The following GPC3 variants were observed in gnomAD, a reference collection of about 807,000 sequenced individuals.
The protein encoded by GPC3 is glypican-3.
Under a neutral mutation model 34.4 loss-of-function variants are expected in GPC3, and 3 were observed. The ratio of observed to expected loss-of-function variants is 0.09; its 90% confidence interval spans 0.04 to 0.23. GPC3 has a LOEUF of 0.23. GPC3 is among the 10% of genes least tolerant of loss of function. The probability of loss-of-function intolerance (pLI) is 1.00; values close to 1 mark genes in which losing one functional copy is unlikely to be tolerated. For synonymous variants in GPC3, 177 were observed against 174.0 expected (o/e 1.02, Z -0.13); for missense variants, 351 against 445.6 (o/e 0.79, Z 1.91).
At position 133,863,648 on chromosome X, in the gene GPC3, C is replaced by CTTTTTTTTTTTTTTTT. The variant is rs1165193952; in HGVS notation, c.337+89386_337+89401dup. 1.7e-3 allele frequency among the ~76,000 whole-genome samples: 126 copies of CTTTTTTTTTTTTTTTT among 72,843 alleles called. 14 individuals carry two copies. The highest frequency in any genetic ancestry group is 3.4e-3 in the African/African-American group (41 of 11,963). 63.3% of individuals were successfully genotyped at this position (72,843 alleles called of 115,157 possible). A position where few individuals can be genotyped will look rare whatever the true frequency, so the allele number is the denominator to read the frequency against. On this transcript the variant is annotated intron_variant, in intron 2 of 7. Coordinates refer to ENST00000370818, the MANE Select transcript of GPC3 (RefSeq NM_004484.4). ...ACCCCTAGTTAACATAAAAATATTC[C>CTTTTTTTTTTTTTTTT]TTTTTTTTTTTTTTTTTTGAGACGG...
In GPC3 at chrX:133,977,009, A is replaced by G. The variant is rs192242095; in HGVS notation, c.175+8266T>C. Among the ~76,000 whole-genome samples the G allele has an allele frequency of 1.9e-3, 209 of 111,593 alleles. 1 individual carries two copies. The highest frequency in any genetic ancestry group is 6.9e-3 in the Admixed American group (72 of 10,506). Reference sequence around the variant, plus strand: ...CCAGGGCCAATGAGAATAAATAAATATGCTTCAAATTCACCACCCCTTCTG... The same window carrying G: ...CCAGGGCCAATGAGAATAAATAAATGTGCTTCAAATTCACCACCCCTTCTG... On this transcript the variant is annotated intron_variant, in intron 1 of 7. Transcript: ENST00000370818.
intron 6 of GPC3, among the ~76,000 whole-genome samples, chrX:133,653,363 T>C (rs1408384150): frequency 1.8e-5 from 2 of 111,906 alleles, no homozygotes; most frequent in African/African-American, 6.5e-5. Context: ...CCTAAACAAC[T>C]GAGCTATCTG....
At chrX:133,747,569 T>C (rs1278493266) in intron 3 of GPC3, among the ~76,000 whole-genome samples, 1 of 111,783 alleles carries the variant, frequency 8.9e-6, no homozygotes, top group Non-Finnish European at 1.9e-5. Flanking sequence ...AAGATTCTGC[T>C]GAAGAGAATG....
intron 2 of GPC3, among the ~76,000 whole-genome samples, chrX:133,865,464 G>A (rs964631166): frequency 6.3e-5 from 7 of 111,657 alleles, no homozygotes; most frequent in Non-Finnish European, 9.4e-5. Context: ...AATGAGCTAC[G>A]TATGTTCTTA....
intron 3 of GPC3, among the ~76,000 whole-genome samples, chrX:133,743,851 T>C (rs1017911239): frequency 8.1e-5 from 9 of 111,433 alleles, no homozygotes; most frequent in Admixed American, 1.9e-4. Context: ...GCCTCAGAAA[T>C]AACGCCACAC....
chrX:133,705,061 C>A (rs1305161924), intron 3 of GPC3, among the ~76,000 whole-genome samples: 4 of 111,818 alleles, frequency 3.6e-5, no homozygotes, highest in Non-Finnish European at 7.5e-5. Context: ...AGCTTCTCAA[C>A]AATACCAACA....
In GPC3 at chrX:133,699,991, T is replaced by C. The variant is rs757269723; in HGVS notation, c.1070A>G (p.Tyr357Cys). Residue 357 changes from tyrosine to cysteine, a missense_variant, in exon 4 of 8, where the codon TAT (tyrosine) becomes TGT (cysteine). By Grantham distance (194) the Tyr-to-Cys change is radical (BLOSUM62 -2). Transcript: ENST00000370818. The part of the protein sequence containing the change: ...KLCAHSQQRQ[Y>C]RSAYYPEDLF... Reference sequence around the variant, plus strand: ...ATCTTCAGGATAATAAGCAGATCTATATTGGCGTTGTTGAGAATGGGCACA... The same window carrying C: ...ATCTTCAGGATAATAAGCAGATCTACATTGGCGTTGTTGAGAATGGGCACA... 2 of 1,191,620 alleles carry C rather than the reference T, an allele frequency of 1.7e-6. No homozygotes were observed. Among genetic ancestry groups the C allele is most frequent in the Non-Finnish European group, 2.3e-6 (2 of 879,107 alleles).
intron 2 of GPC3, among the ~76,000 whole-genome samples, chrX:133,917,161 A>G (rs775846663): frequency 8.9e-6 from 1 of 112,016 alleles, no homozygotes; most frequent in African/African-American, 3.2e-5. Context: ...CTTTCTCAGC[A>G]AGAAAGAAAG....
rs1047346288 is a variant in GPC3, at chrX:133,930,668, A to T, written c.337+22382T>A. ...TTTTTCTTTTTTGAGACGGAGTCTCACTCTGTCACCAGGCTGGAGTGCAGT... is the reference window on the plus strand; with the variant it reads ...TTTTTCTTTTTTGAGACGGAGTCTCTCTCTGTCACCAGGCTGGAGTGCAGT... On this transcript the variant is annotated intron_variant, in intron 2 of 7. Coordinates refer to ENST00000370818, the MANE Select transcript of GPC3 (RefSeq NM_004484.4). 5.4e-5 allele frequency among the ~76,000 whole-genome samples: 6 copies of T among 111,821 alleles called. No individual in the cohort carries two copies. In the East Asian group the frequency reaches 1.7e-3, roughly 32 times the overall value.
intron 5 of GPC3, among the ~76,000 whole-genome samples, chrX:133,679,756 G>T (rs1325476511): frequency 9.0e-6 from 1 of 111,283 alleles, no homozygotes; most frequent in Non-Finnish European, 1.9e-5. Context: ...TCGGGTTCAA[G>T]CAATCTTCCC....
intron 2 of GPC3, among the ~76,000 whole-genome samples, chrX:133,782,996 G>A (rs372852825): frequency 9.1e-6 from 1 of 110,438 alleles, no homozygotes; most frequent in East Asian, 2.8e-4. Flanking sequence ...CAGTAGGCAG[G>A]GGGTGGACAG....
Position 133,753,557 on chromosome X carries a change from T to A in GPC3, c.957A>T (p.Val319=). 2.5e-6 allele frequency: 3 copies of A among 1,209,878 alleles called. No individual in the cohort carries two copies. In the South Asian group the frequency reaches 5.3e-5, roughly 21 times the overall value. The change falls in exon 3 of 8, where the codon GTA becomes GTT. Residue 319 remains valine (V), a synonymous_variant. Transcript: ENST00000370818. ...GMYRIYDMEN[V]LLGLFSTIHD... is the part of the protein sequence containing the mutation. ...GGATTGTTGAAAAGAGACCAAGCAG[T>A]ACGTTCTCCATGTCATAGATTCTGT... is the stretch of plus-strand genomic sequence containing the variant.
intron 2 of GPC3, among the ~76,000 whole-genome samples, chrX:133,863,515 T>G (rs775928193): frequency 9.1e-6 from 1 of 110,244 alleles, no homozygotes; most frequent in Admixed American, 9.6e-5. Context: ...ATTTGAAGAG[T>G]GCTGAGAAGG....
intron 1 of GPC3, among the ~76,000 whole-genome samples, chrX:133,954,217 C>G (rs1308608096): frequency 1.8e-5 from 2 of 111,410 alleles, no homozygotes; most frequent in Non-Finnish European, 3.8e-5. Flanking sequence ...TGGAGAAACT[C>G]TGGGGAGTGA....
chrX:133,638,194 T>G (rs2070447245), intron 6 of GPC3, among the ~76,000 whole-genome samples: 1 of 111,847 alleles, frequency 8.9e-6, no homozygotes, highest in Non-Finnish European at 1.9e-5. Context: ...GCTTATTCCA[T>G]TCTGTACTAT....
At chrX:133,763,483 G>A in intron 2 of GPC3, 1 of 545,341 alleles carries the variant, frequency 1.8e-6, no homozygotes, top group East Asian at 3.3e-5. Flanking sequence ...ATTTCAAAGT[G>A]AATGGACTGC....
intron 2 of GPC3, among the ~76,000 whole-genome samples, chrX:133,891,550 C>A (rs1320153823): frequency 9.1e-6 from 1 of 110,049 alleles, no homozygotes; most frequent in Non-Finnish European, 1.9e-5. Flanking sequence ...AGAAGGACTG[C>A]CTGAGCCAGG....
At chrX:133,582,661 T>C (rs1388828956) in intron 7 of GPC3, among the ~76,000 whole-genome samples, 1 of 111,923 alleles carries the variant, frequency 8.9e-6, no homozygotes, top group African/African-American at 3.2e-5. Flanking sequence ...TTTCTGGTAA[T>C]TTAGTTTTAT....
intron 2 of GPC3, among the ~76,000 whole-genome samples, chrX:133,904,820 A>G (rs2076160897): frequency 8.9e-6 from 1 of 112,016 alleles, no homozygotes; most frequent in African/African-American, 3.2e-5. Context: ...AAGTAGCAAT[A>G]AAAAAGAGAA....
Sources: allele counts gnomAD v4.1 joint callset (sites outside exome capture counted in the v4.1 genomes callset), GRCh38; gene constraint gnomAD v4.1.1; transcripts MANE v1.5; gene names NCBI Gene and HGNC (gene_info 2026-07-23, HGNC 2026-07-21).